The following FRMPD4 variants were observed in gnomAD, a reference collection of about 807,000 sequenced individuals.
FRMPD4 encodes FERM and PDZ domain containing 4, also known as FERM and PDZ domain-containing protein 4.
In FRMPD4, 22 loss-of-function variants were observed where a neutral mutation model predicts 94.1. The observed-to-expected ratio is 0.23, with a 90% CI of 0.17 to 0.33. The LOEUF (loss-of-function observed/expected upper bound fraction) is 0.33, where lower values mean the gene tolerates loss of function less well. Ranked by LOEUF, FRMPD4 falls within the 10% of genes least tolerant of loss-of-function variation. The pLI, the probability that FRMPD4 is intolerant of heterozygous loss-of-function variation, is 1.00. For missense variants in FRMPD4, 1,111 were observed against 1,339.9 expected (o/e 0.83, Z 2.67); for synonymous variants, 631 against 548.6 (o/e 1.15, Z -2.10).
chrX:12,074,423 G>T (rs1417257157), intron 3 of FRMPD4, among the ~76,000 whole-genome samples: 1 of 110,676 alleles, frequency 9.0e-6, no homozygotes, highest in Non-Finnish European at 1.9e-5. Flanking sequence ...CCTGCTCCTA[G>T]GTCCCCACTT....
chrX:12,295,015 A>G (rs964685256), intron 1 of FRMPD4, among the ~76,000 whole-genome samples: 3 of 112,429 alleles, frequency 2.7e-5, no homozygotes, highest in Admixed American at 1.9e-4. Context: ...ATGTCTGTGT[A>G]TGAATCTACC....
chrX:12,489,537 G>A lies in FRMPD4; in HGVS notation c.42-9143G>A, dbSNP rs757343539. ...TAAAATGATGAGTGTTTGCAAAAGT[G>A]TTTTAACAACACATTTGAAAATTAG... On this transcript the variant is annotated intron_variant, in intron 1 of 16. Transcript: ENST00000675598. Among the ~76,000 whole-genome samples the A allele has an allele frequency of 5.4e-5, 6 of 112,058 alleles. No individual in the cohort carries two copies. In the South Asian group the frequency reaches 2.2e-3, roughly 42 times the overall value.
At chrX:12,490,298 G>A (rs1002397157) in intron 1 of FRMPD4, among the ~76,000 whole-genome samples, 3 of 110,346 alleles carry the variant, frequency 2.7e-5, no homozygotes, top group African/African-American at 9.9e-5. Context: ...ACCTCTTAAA[G>A]GTCCCATCAC....
At chrX:12,099,329 A>G (rs1163598666) in intron 3 of FRMPD4, among the ~76,000 whole-genome samples, 1 of 111,759 alleles carries the variant, frequency 8.9e-6, no homozygotes, top group Non-Finnish European at 1.9e-5. Context: ...CCTGTGCTCC[A>G]TCTTAAAGGA....
intron 1 of FRMPD4, among the ~76,000 whole-genome samples, chrX:12,146,502 A>C (rs2055771933): frequency 9.1e-6 from 1 of 110,230 alleles, no homozygotes; most frequent in South Asian, 4.0e-4. Context: ...ACACACATCT[A>C]CCCCTAACCA....
At chrX:11,856,564 A>C (rs1438156490) in intron 1 of FRMPD4, among the ~76,000 whole-genome samples, 2 of 111,914 alleles carry the variant, frequency 1.8e-5, no homozygotes, top group Non-Finnish European at 3.8e-5. Context: ...CTTCAAAATA[A>C]TAAGAGCCAT....
In FRMPD4 at chrX:12,708,468, C is replaced by CAAA. The variant is rs35569007; in HGVS notation, c.1470+831_1470+833dup. The stretch of plus-strand genomic sequence containing the variant: ...TGGGTAACAGAGCGAGACTCCATCT[C>CAAA]AAAAAAAAAAAAAAAACACAAAAAT... On this transcript the variant is annotated intron_variant, in intron 13 of 16. Coordinates refer to ENST00000675598, the MANE Select transcript of FRMPD4 (RefSeq NM_001368397.1). Among the ~76,000 whole-genome samples the CAAA allele has an allele frequency of 2.3e-3, 139 of 59,277 alleles. 3 individuals are homozygous for CAAA. The highest frequency in any genetic ancestry group is 8.1e-3 in the African/African-American group (126 of 15,649). The allele number at this position is 59,277 out of a possible 115,157, so 51.5% of individuals were successfully genotyped here.
intron 1 of FRMPD4, among the ~76,000 whole-genome samples, chrX:12,338,893 G>A (rs935681891): frequency 8.9e-6 from 1 of 112,576 alleles, no homozygotes; most frequent in African/African-American, 3.2e-5. Context: ...TGTGTTCCAT[G>A]TTGGATTTTG....
In FRMPD4 at chrX:12,716,107, G is replaced by T; in HGVS notation, c.1648G>T (p.Asp550Tyr). 1 of 1,177,459 alleles carries T rather than the reference G, an allele frequency of 8.5e-7. No individual in the cohort carries two copies. The highest frequency in any genetic ancestry group is 1.1e-6 in the Non-Finnish European group (1 of 875,503). ...NKGKHNLLGP[D>Y]WNCIPQMTTF... ...GGGGAAGCATAACCTCCTTGGCCCA[G>T]ATTGGAACTGTATACCCCAAATGAC... The change falls in exon 15 of 17, where the codon GAT becomes TAT. Residue 550 changes from aspartate (D) to tyrosine (Y), a missense_variant. Asp to Tyr is a radical substitution (Grantham distance 160, BLOSUM62 -3). Coordinates refer to ENST00000675598, the MANE Select transcript of FRMPD4 (RefSeq NM_001368397.1).
intron 2 of FRMPD4, among the ~76,000 whole-genome samples, chrX:12,597,185 T>C (rs1052568838): frequency 6.2e-5 from 7 of 112,397 alleles, no homozygotes; most frequent in Admixed American, 3.8e-4. Flanking sequence ...ACAGAATTGA[T>C]TACCAGCCTA....
rs183010018 is a variant in FRMPD4, at chrX:11,991,880, C to T, written c.95+113862C>T. ...CCTTTGACGTTGATAAAGCACGTAT[C>T]TTAGTTGATATGCATTACAGCGACT... is the stretch of plus-strand genomic sequence containing the variant. On this transcript the variant is annotated intron_variant, in intron 3 of 18. Coordinates refer to the FRMPD4 transcript ENST00000640291. 6.9e-3 allele frequency among the ~76,000 whole-genome samples: 775 copies of T among 112,066 alleles called. 12 individuals carry two copies. The highest frequency in any genetic ancestry group is 0.024 in the African/African-American group (728 of 30,898).
At chrX:12,424,638 G>A (rs778264087) in intron 1 of FRMPD4, among the ~76,000 whole-genome samples, 55 of 112,273 alleles carry the variant, frequency 4.9e-4, no homozygotes, top group African/African-American at 1.6e-3. Flanking sequence ...TCTGATTAGC[G>A]AGGTTCAAGG....
At chrX:12,282,367 A>G (rs752498948) in intron 1 of FRMPD4, among the ~76,000 whole-genome samples, 18 of 112,627 alleles carry the variant, frequency 1.6e-4, no homozygotes, top group Non-Finnish European at 3.2e-4. Context: ...TTTTAAATAC[A>G]GAAGAAAAAC....
intron 3 of FRMPD4, among the ~76,000 whole-genome samples, chrX:12,130,135 A>AGAGAGAGAGAGAGAGAG (rs778286325): frequency 6.8e-5 from 7 of 103,653 alleles, no homozygotes; most frequent in Non-Finnish European, 1.4e-4. Context: ...AGAGAGAGAG[A>AGAGAGAGAGAGAGAGAG]AGGTGGAGGC....
chrX:12,187,164 C>T (rs1257438208), intron 1 of FRMPD4, among the ~76,000 whole-genome samples: 1 of 111,425 alleles, frequency 9.0e-6, no homozygotes, highest in Non-Finnish European at 1.9e-5. Context: ...GGTCCTTATT[C>T]CTTGAATGCA....
chrX:12,323,254 A>G lies in FRMPD4; in HGVS notation c.42-175426A>G, dbSNP rs142557209. ...TTGTTTCACTGGCCAACTATACCAG[A>G]CAAGTGTGATCAAGCCATCAGAGTC... is the stretch of plus-strand genomic sequence containing the variant. On this transcript the variant is annotated intron_variant, in intron 1 of 16. Coordinates refer to ENST00000675598, the MANE Select transcript of FRMPD4 (RefSeq NM_001368397.1). 8.6e-3 allele frequency among the ~76,000 whole-genome samples: 965 copies of G among 111,986 alleles called. 4 individuals carry two copies. The highest frequency in any genetic ancestry group is 0.015 in the Non-Finnish European group (785 of 53,127).
intron 1 of FRMPD4, among the ~76,000 whole-genome samples, chrX:12,302,602 C>T (rs2054877759): frequency 9.0e-6 from 1 of 111,232 alleles, no homozygotes; most frequent in African/African-American, 3.3e-5. Flanking sequence ...ATAACACTTC[C>T]TTGAGGTTAT....
intron 3 of FRMPD4, among the ~76,000 whole-genome samples, chrX:12,028,130 A>G (rs893370650): frequency 7.1e-5 from 8 of 112,049 alleles, no homozygotes; most frequent in African/African-American, 1.9e-4. Flanking sequence ...GATGTCAGCC[A>G]GGCTGAGTCC....
chrX:12,467,505 G>A (rs931573679), intron 1 of FRMPD4, among the ~76,000 whole-genome samples: 1 of 112,122 alleles, frequency 8.9e-6, no homozygotes, highest in Non-Finnish European at 1.9e-5. Context: ...CTCAGTGCTG[G>A]GAAGTTGTCA....
Sources: gnomAD v4.1 joint callset for allele counts (sites outside exome capture counted in the v4.1 genomes callset) on GRCh38, gnomAD v4.1.1 for gene constraint, MANE v1.5 for transcripts, NCBI Gene and HGNC (gene_info 2026-07-23, HGNC 2026-07-21) for gene names.